Variants in CARS1 observed in about 807,000 individuals in gnomAD.
The protein encoded by CARS1 is cysteine--tRNA ligase, cytoplasmic.
In CARS1, 48 loss-of-function variants were observed where a neutral mutation model predicts 106.2. The observed-to-expected ratio is 0.45, with a 90% CI of 0.36 to 0.57. The LOEUF (loss-of-function observed/expected upper bound fraction) is 0.57. CARS1 is among the 20% of genes least tolerant of loss of function. The probability of loss-of-function intolerance (pLI) is 0.00; values close to 1 mark genes in which losing one functional copy is unlikely to be tolerated. For synonymous variants in CARS1, 409 were observed against 403.4 expected, an observed-to-expected ratio of 1.01 and a Z score of -0.17; for missense variants, 968 against 1,057.2, an observed-to-expected ratio of 0.92 and a Z score of 1.17.
At chr11:3,013,754 G>A (rs922984054) in intron 17 of CARS1, among the ~76,000 whole-genome samples, 10 of 152,146 alleles carry the variant, frequency 6.6e-5, no homozygotes, top group African/African-American at 2.4e-4. Context: ...TCAGGAGGCT[G>A]AGGCAGGAGA....
rs967572509 is a variant in CARS1, at chr11:3,017,679, T to C, written c.1727+178A>G. On this transcript the variant is annotated intron_variant, in intron 15 of 22. Transcript: ENST00000380525. This position sits in a 1 kb window ranked among gnomAD's most constrained non-coding sequence, Gnocchi z 4.9. Reference sequence around the variant, plus strand: ...AACAAAAAAGAAATTCTCCATGCACTTCAACACCCAGAGCAGCTCCCATTA... The same window carrying C: ...AACAAAAAAGAAATTCTCCATGCACCTCAACACCCAGAGCAGCTCCCATTA... 1.0e-5 allele frequency: 6 copies of C among 589,420 alleles called. No individual in the cohort carries two copies. The highest frequency in any genetic ancestry group is 3.2e-4 in the Middle Eastern group (1 of 3,128). 36.5% of individuals were successfully genotyped at this position (589,420 alleles called of 1,614,324 possible).
Position 3,048,208 on chromosome 11 carries a change from G to A in CARS1, c.26-207C>T, listed in dbSNP as rs528528731. ...GTGACTGCCTGACAGGTATGGATGG[G>A]TTCCCTCTTGGGTGATGAAAATGCT... On this transcript the variant is annotated intron_variant, in intron 1 of 22. Transcript: ENST00000380525. The surrounding 1 kb of genome is among the most constrained non-coding windows in gnomAD (Gnocchi z 5.1). Among the ~76,000 whole-genome samples, 285 of 152,360 alleles carry A rather than the reference G, an allele frequency of 1.9e-3. 2 individuals are homozygous for A. Among genetic ancestry groups the A allele is most frequent in the African/African-American group, 6.5e-3 (271 of 41,592 alleles).
At position 3,027,954 on chromosome 11, in the gene CARS1, G is replaced by A. The variant is rs572794165; in HGVS notation, c.1031+1042C>T. On this transcript the variant is annotated intron_variant, in intron 9 of 22. Transcript: ENST00000380525. ...GGAGGGCCTGACATGAGTCAGGCTC[G>A]CCCGCAGTTATCCGGAGGCCTAACC... 6.2e-4 allele frequency: 270 copies of A among 435,560 alleles called. 2 individuals carry two copies. Among genetic ancestry groups the A allele is most frequent in the Admixed American group, 5.7e-3 (226 of 39,798 alleles). The allele number at this position is 435,560 out of a possible 1,614,324, so 27.0% of individuals were successfully genotyped here. A position where few individuals can be genotyped will look rare whatever the true frequency, so the allele number is the denominator to read the frequency against.
rs973105322 is a variant in CARS1 at position 3,054,990 on chromosome 11, C to T, written c.25+2353G>A. The T allele has an allele frequency of 4.3e-6, 3 of 702,432 alleles. No homozygotes were observed. In the Admixed American group the frequency reaches 6.0e-5, roughly 14 times the overall value. The allele number at this position is 702,432 out of a possible 1,614,324, so 43.5% of individuals were successfully genotyped here. The stretch of plus-strand genomic sequence containing the variant: ...AACTCATCCTTCTGAAATAATCAGG[C>T]TCTTGGACAGGCACCAAGCCTATGC... On this transcript the variant is annotated intron_variant, in intron 1 of 22. Transcript: ENST00000380525.
At chr11:3,042,503 C>T (rs1203779955) in intron 2 of CARS1, among the ~76,000 whole-genome samples, 3 of 152,012 alleles carry the variant, frequency 2.0e-5, no homozygotes, top group Non-Finnish European at 4.4e-5. Flanking sequence ...CGGCTCACTG[C>T]AAGCTCTGCC....
chr11:3,049,567 G>A (rs1855450288), intron 1 of CARS1, among the ~76,000 whole-genome samples: 1 of 152,222 alleles, frequency 6.6e-6, no homozygotes, highest in South Asian at 2.1e-4. Context: ...ACCAGTGATT[G>A]TGTTTGCTGA....
At chr11:3,001,351 C>T (rs113479648) in intron 22 of CARS1, 103 bp from the exon 23 acceptor site, 114 of 1,335,790 alleles carry the variant, frequency 8.5e-5, no homozygotes, top group Non-Finnish European at 1.1e-4. Flanking sequence ...CTCCCTGATG[C>T]AGCCATGTCC....
Position 3,015,769 on chromosome 11 carries a change from C to CTT in CARS1, c.1986+11_1986+12insAA. On this transcript the variant is annotated intron_variant, in intron 17 of 22. Transcript: ENST00000380525. ...AGCAGGTGCAGAAGGCAGGACCCTGCATGCTACTCACACTGAGGCTGGTTC... is the reference window on the plus strand; with the variant it reads ...AGCAGGTGCAGAAGGCAGGACCCTGCTTATGCTACTCACACTGAGGCTGGTTC... The CTT allele has an allele frequency of 6.2e-7, 1 of 1,613,238 alleles. No individual in the cohort carries two copies. Among genetic ancestry groups the CTT allele is most frequent in the South Asian group, 1.1e-5 (1 of 91,066 alleles).
chr11:3,045,706 C>T lies in CARS1; in HGVS notation c.274+2047G>A, dbSNP rs531861839. On this transcript the variant is annotated intron_variant, in intron 2 of 22. Coordinates refer to ENST00000380525, the MANE Select transcript of CARS1 (RefSeq NM_001014437.3). The surrounding 1 kb of genome is among the most constrained non-coding windows in gnomAD (Gnocchi z 5.6). ...GGGATGTCCAACAGAGGTGGAAGGGCGAGCAGGAGGAGGGGCACATGGCCC... is the reference window on the plus strand; with the variant it reads ...GGGATGTCCAACAGAGGTGGAAGGGTGAGCAGGAGGAGGGGCACATGGCCC... Among the ~76,000 whole-genome samples, 4 of 152,146 alleles carry T rather than the reference C, an allele frequency of 2.6e-5. No homozygotes were observed. The highest frequency in any genetic ancestry group is 1.9e-4 in the East Asian group (1 of 5,184).
intron 1 of CARS1, among the ~76,000 whole-genome samples, chr11:3,055,411 G>A (rs1380249204): frequency 1.3e-5 from 2 of 152,222 alleles, no homozygotes; most frequent in Non-Finnish European, 2.9e-5. Flanking sequence ...AAAGTGCTGG[G>A]ATTACAGGTG....
In CARS1 at chr11:3,018,439, T is replaced by G; in HGVS notation, c.1598A>C (p.Glu533Ala). 1 of 1,614,030 alleles carries G rather than the reference T, an allele frequency of 6.2e-7. No homozygotes were observed. The highest frequency in any genetic ancestry group is 8.5e-7 in the Non-Finnish European group (1 of 1,179,900). The change falls in exon 14 of 23, where the codon GAG becomes GCG. Residue 533 changes from glutamate to alanine, a missense_variant. By Grantham distance (107) the Glu-to-Ala change is moderately radical (BLOSUM62 -1). Coordinates refer to ENST00000380525, the MANE Select transcript of CARS1 (RefSeq NM_001014437.3). Reference sequence around the variant, plus strand: ...GAACTTCTCATATTGAAGCGCTGACTCCATGGTGTTGCTGGAGTAGTCCAG... The same window carrying G: ...GAACTTCTCATATTGAAGCGCTGACGCCATGGTGTTGCTGGAGTAGTCCAG... ...DTLDYSSNTM[E>A]SALQYEKFLN...
intron 22 of CARS1, 41 bp downstream of exon 22, chr11:3,001,929 A>T (rs1361472792): frequency 1.4e-6 from 2 of 1,433,140 alleles, no homozygotes; most frequent in Non-Finnish European, 9.9e-7. Flanking sequence ...ATGTGGTCTG[A>T]TCAAGTTCTG....
In CARS1 at chr11:3,052,435, A is replaced by G. The variant is rs190582422; in HGVS notation, c.26-4434T>C. ...TTATTAATGTTATTGTAATAGCCGC[A>G]TGCTACACACAGAGAATTTCCTGGA... On this transcript the variant is annotated intron_variant, in intron 1 of 22. Coordinates refer to ENST00000380525, the MANE Select transcript of CARS1 (RefSeq NM_001014437.3). This position sits in a 1 kb window ranked among gnomAD's most constrained non-coding sequence, Gnocchi z 4.6. 6.6e-6 allele frequency among the ~76,000 whole-genome samples: 1 copy of G among 152,350 alleles called. No individual in the cohort carries two copies. Among genetic ancestry groups the G allele is most frequent in the Admixed American group, 6.5e-5 (1 of 15,304 alleles).
At chr11:3,055,160 A>C in intron 1 of CARS1, 1 of 576,850 alleles carries the variant, frequency 1.7e-6, no homozygotes, top group South Asian at 2.1e-5. Flanking sequence ...AGCATTTACG[A>C]TTGGATTTTT....
In CARS1 at chr11:3,042,183, G is replaced by A; in HGVS notation, c.348C>T (p.Asn116=). Residue 116 remains asparagine (N), a synonymous_variant, in exon 3 of 23, where the codon AAC becomes AAT. Transcript: ENST00000380525. The part of the protein sequence containing the change: ...GTQPCRLHLY[N]SLTRNKEVFI... Reference sequence around the variant, plus strand: ...TCCTTACCTTGTTCCTGGTGAGGCTGTTGTAAAGGTGGAGTCTGCATGGCT... The same window carrying A: ...TCCTTACCTTGTTCCTGGTGAGGCTATTGTAAAGGTGGAGTCTGCATGGCT... 6.2e-7 allele frequency: 1 copy of A among 1,613,818 alleles called. No homozygotes were observed. Among genetic ancestry groups the A allele is most frequent in the Admixed American group, 1.7e-5 (1 of 60,024 alleles).
At position 3,019,421 on chromosome 11, in the gene CARS1, C is replaced by T. The variant is rs555002322; in HGVS notation, c.1267-154G>A. Among the ~76,000 whole-genome samples the T allele has an allele frequency of 6.6e-6, 1 of 152,126 alleles. No individual in the cohort carries two copies. Among genetic ancestry groups the T allele is most frequent in the Non-Finnish European group, 1.5e-5 (1 of 68,036 alleles). Reference sequence around the variant, plus strand: ...ATGAAAAGACTAAGGGAAGGCTGGGCGAGATGGCTCACACCTGTAATCCCA... The same window carrying T: ...ATGAAAAGACTAAGGGAAGGCTGGGTGAGATGGCTCACACCTGTAATCCCA... On this transcript the variant is annotated intron_variant, in intron 11 of 22. Transcript: ENST00000380525. The surrounding 1 kb of genome is among the most constrained non-coding windows in gnomAD (Gnocchi z 6.2).
rs1179210688 is a variant in CARS1, at chr11:3,017,740, G to T, written c.1727+117C>A. 6.9e-5 allele frequency: 48 copies of T among 697,970 alleles called. No homozygotes were observed. Among genetic ancestry groups the T allele is most frequent in the Non-Finnish European group, 9.1e-5 (36 of 393,750 alleles). The allele number at this position is 697,970 out of a possible 1,614,324, so 43.2% of individuals were successfully genotyped here. On this transcript the variant is annotated intron_variant, in intron 15 of 22. Transcript: ENST00000380525. This position sits in a 1 kb window ranked among gnomAD's most constrained non-coding sequence, Gnocchi z 4.9. ...CTATCCTGAATTAATTCTGCACAACGTACGACAGTGTCCCCAGCCCTTCCT... is the reference window on the plus strand; with the variant it reads ...CTATCCTGAATTAATTCTGCACAACTTACGACAGTGTCCCCAGCCCTTCCT...
Position 3,044,743 on chromosome 11 carries a change from G to T in CARS1, c.275-2487C>A, listed in dbSNP as rs754127559. On this transcript the variant is annotated intron_variant, in intron 2 of 22. Coordinates refer to ENST00000380525, the MANE Select transcript of CARS1 (RefSeq NM_001014437.3). The surrounding 1 kb of genome is among the most constrained non-coding windows in gnomAD (Gnocchi z 4.4). ...AATGAACACACATTCGTTGATTCCA[G>T]AGTCCCACCCTGACCTGAGTGATCC... 1.6e-4 allele frequency among the ~76,000 whole-genome samples: 24 copies of T among 152,132 alleles called. No homozygotes were observed. The highest frequency in any genetic ancestry group is 3.2e-4 in the Non-Finnish European group (22 of 68,032).
intron 1 of CARS1, 44 bp downstream of exon 1, chr11:3,057,299 C>T (rs749988594): frequency 6.3e-7 from 1 of 1,580,098 alleles, no homozygotes; most frequent in East Asian, 2.3e-5. Context: ...AGCGCCCAGT[C>T]AGGCCCCCAG....
Sources: allele counts gnomAD v4.1 joint callset (sites outside exome capture counted in the v4.1 genomes callset), GRCh38; gene constraint gnomAD v4.1.1; non-coding constraint Gnocchi (gnomAD v3.1); transcripts MANE v1.5; gene names NCBI Gene and HGNC (gene_info 2026-07-23, HGNC 2026-07-21).